Variants in KANK1 observed in about 807,000 individuals in gnomAD.
The protein encoded by KANK1 is KN motif and ankyrin repeat domains 1.
Under a neutral mutation model 106.2 loss-of-function variants are expected in KANK1, and 109 were observed. The observed-to-expected ratio is 1.03, with a 90% CI of 0.88 to 1.20. The LOEUF (loss-of-function observed/expected upper bound fraction) is 1.20. Among genes scored for constraint, KANK1 ranks in the 50% most tolerant of loss-of-function variants. The pLI, the probability that KANK1 is intolerant of heterozygous loss-of-function variation, is 0.00. For missense variants in KANK1, 2,399 were observed against 1,710.7 expected (o/e 1.40, Z -7.10); for synonymous variants, 873 against 652.2 (o/e 1.34, Z -5.16).
chr9:634,921 TG>T (rs1446969345), intron 1 of KANK1, among the ~76,000 whole-genome samples: 2 of 152,236 alleles, frequency 1.3e-5, no homozygotes, highest in Non-Finnish European at 2.9e-5. Context: ...CTCTGCCTCT[TG>T]GCAAAATGGC....
intron 1 of KANK1, among the ~76,000 whole-genome samples, chr9:560,128 G>C (rs1816001783): frequency 6.6e-6 from 1 of 152,138 alleles, no homozygotes; most frequent in Non-Finnish European, 1.5e-5. Context: ...AAAGCAGTGT[G>C]GTTAAGTCAG....
intron 2 of KANK1, among the ~76,000 whole-genome samples, chr9:677,311 C>T (rs906361423): frequency 3.3e-5 from 5 of 152,178 alleles, no homozygotes; most frequent in Non-Finnish European, 7.3e-5. Context: ...TCCTCTTGCA[C>T]TTCTTTCTGA....
intron 1 of KANK1, among the ~76,000 whole-genome samples, chr9:561,470 A>G (rs1001680760): frequency 1.3e-5 from 2 of 152,094 alleles, no homozygotes; most frequent in South Asian, 2.1e-4. Flanking sequence ...ATAAACAACA[A>G]CTCTACAATG....
intron 1 of KANK1, among the ~76,000 whole-genome samples, chr9:644,706 A>ACTCGGGATT (rs1161690226): frequency 6.6e-6 from 1 of 150,690 alleles, no homozygotes; most frequent in Non-Finnish European, 1.5e-5. Flanking sequence ...CACCTTCAAC[A>ACTCGGGATT]CTCGGGATTA....
At chr9:583,347 C>A (rs891729381) in intron 1 of KANK1, among the ~76,000 whole-genome samples, 9 of 152,108 alleles carry the variant, frequency 5.9e-5, no homozygotes, top group Non-Finnish European at 8.8e-5. Flanking sequence ...GATACGGGAC[C>A]TTATTAAGTC....
rs142484830 is a variant in KANK1 at position 637,169 on chromosome 9, C to T, written c.-83-39721C>T. 1.8e-3 allele frequency among the ~76,000 whole-genome samples: 273 copies of T among 152,316 alleles called. 2 individuals carry two copies. In the South Asian group the frequency reaches 0.019, roughly 11 times the overall value. On this transcript the variant is annotated intron_variant, in intron 1 of 11. Transcript: ENST00000382297. Reference sequence around the variant, plus strand: ...GTAATTGGAAGAGTTGTCCTTCTCTCAACCCTATTCTTTCTCAAGTTTGCT... The same window carrying T: ...GTAATTGGAAGAGTTGTCCTTCTCTTAACCCTATTCTTTCTCAAGTTTGCT...
intron 1 of KANK1, among the ~76,000 whole-genome samples, chr9:519,809 TCAGA>T (rs957684285): frequency 9.9e-5 from 15 of 151,746 alleles, no homozygotes; most frequent in African/African-American, 1.5e-4. Context: ...CTTCTAAAGG[TCAGA>T]CAAACAAGTC....
intron 1 of KANK1, among the ~76,000 whole-genome samples, chr9:537,702 A>G (rs1275603107): frequency 6.6e-6 from 1 of 152,142 alleles, no homozygotes; most frequent in Non-Finnish European, 1.5e-5. Context: ...TTTGCCCCCC[A>G]GGGGCATTTG....
In KANK1 at chr9:713,044, G is replaced by T. The variant is rs1189843672; in HGVS notation, c.2278G>T (p.Gly760Cys). Residue 760 changes from glycine (G) to cysteine (C), a missense_variant, in exon 3 of 12, where the codon GGT becomes TGT. Physicochemically the swap from Gly to Cys is radical, Grantham distance 159. Coordinates refer to ENST00000382297, the MANE Select transcript of KANK1 (RefSeq NM_015158.5). ...RPSAVKTKES[G>C]VGQININDNY... ...ATCAGCTGTGAAGACCAAAGAGTCA[G>T]GTGTGGGGCAGATAAATATTAACGA... 1 of 1,614,210 alleles carries T rather than the reference G, an allele frequency of 6.2e-7. No homozygotes were observed. Among genetic ancestry groups the T allele is most frequent in the Non-Finnish European group, 8.5e-7 (1 of 1,180,046 alleles).
chr9:526,105 G>C (rs546182638), intron 1 of KANK1, among the ~76,000 whole-genome samples: 1 of 151,782 alleles, frequency 6.6e-6, no homozygotes, highest in Non-Finnish European at 1.5e-5. Flanking sequence ...TAGGAATTCT[G>C]ATTTTATTTT....
At chr9:533,478 A>G (rs2060156455) in intron 1 of KANK1, among the ~76,000 whole-genome samples, 1 of 152,214 alleles carries the variant, frequency 6.6e-6, no homozygotes, top group South Asian at 2.1e-4. Flanking sequence ...AATACTACCT[A>G]GTGCTCCTGC....
intron 1 of KANK1, among the ~76,000 whole-genome samples, chr9:518,921 G>A (rs746158661): frequency 4.8e-4 from 73 of 150,570 alleles, no homozygotes; most frequent in Non-Finnish European, 7.5e-4. Context: ...ACAGAGTTTC[G>A]CTCTTGTTGC....
intron 2 of KANK1, among the ~76,000 whole-genome samples, chr9:699,871 A>G (rs920201286): frequency 7.9e-5 from 12 of 152,336 alleles, no homozygotes; most frequent in Admixed American, 7.2e-4. Context: ...AGTCCTAGCT[A>G]CTAGAGAGGC....
At chr9:611,950 C>T (rs1049488929) in intron 1 of KANK1, among the ~76,000 whole-genome samples, 1 of 152,192 alleles carries the variant, frequency 6.6e-6, no homozygotes, top group African/African-American at 2.4e-5. Context: ...GATCTCCTGA[C>T]CTTGTGATCC....
At chr9:540,305 C>G (rs1194042634) in intron 1 of KANK1, among the ~76,000 whole-genome samples, 1 of 152,070 alleles carries the variant, frequency 6.6e-6, no homozygotes, top group Non-Finnish European at 1.5e-5. Context: ...GATTTTTATC[C>G]TCGATTTTGT....
chr9:516,563 C>A (rs1267065425), intron 1 of KANK1, among the ~76,000 whole-genome samples: 1 of 151,338 alleles, frequency 6.6e-6, no homozygotes, highest in Non-Finnish European at 1.5e-5. Flanking sequence ...GGAAGGGGAG[C>A]GGTTTTGGCT....
chr9:583,117 A>T (rs1413235527), intron 1 of KANK1, among the ~76,000 whole-genome samples: 1 of 152,198 alleles, frequency 6.6e-6, no homozygotes, highest in Non-Finnish European at 1.5e-5. Flanking sequence ...GGCTGGCAGA[A>T]ATGGGAGTAG....
intron 2 of KANK1, among the ~76,000 whole-genome samples, chr9:697,653 ATATT>A (rs1821644926): frequency 6.6e-6 from 1 of 152,144 alleles, no homozygotes; most frequent in Non-Finnish European, 1.5e-5. Flanking sequence ...TTCCTTGTAT[ATATT>A]AGTTGGTATT....
rs187374672 is a variant in KANK1 at position 521,533 on chromosome 9, T to G, written c.-84+16779T>G. On this transcript the variant is annotated intron_variant, in intron 1 of 11. Transcript: ENST00000382297. ...GAAATTTCATCAAACACTGGGCACT[T>G]GGAATTCTCTACTTTCTTTTCCCTC... Among the ~76,000 whole-genome samples the G allele has an allele frequency of 3.1e-4, 47 of 151,236 alleles. 2 individuals carry two copies. The highest frequency in any genetic ancestry group is 1.1e-3 in the African/African-American group (43 of 40,778).
Sources: gnomAD v4.1 joint callset for allele counts (sites outside exome capture counted in the v4.1 genomes callset) on GRCh38, gnomAD v4.1.1 for gene constraint, MANE v1.5 for transcripts, NCBI Gene and HGNC (gene_info 2026-07-23, HGNC 2026-07-21) for gene names.